Variants in RBFOX1 observed in about 807,000 individuals in gnomAD.
RBFOX1 encodes RNA binding protein fox-1 homolog 1.
A neutral mutation model predicts 57.7 loss-of-function variants in RBFOX1; 8 were observed. The observed-to-expected ratio is 0.14, with a 90% CI of 0.08 to 0.25. RBFOX1 has a LOEUF of 0.25. RBFOX1 is among the 10% of genes least tolerant of loss of function. The pLI is 1.00. For missense variants in RBFOX1, 611 were observed against 548.5 expected, an observed-to-expected ratio of 1.11 and a Z score of -1.14; for synonymous variants, 326 against 222.4, an observed-to-expected ratio of 1.47 and a Z score of -4.15.
intron 4 of RBFOX1, among the ~76,000 whole-genome samples, chr16:7,153,145 C>G (rs926855928): frequency 3.3e-5 from 5 of 152,014 alleles, no homozygotes; most frequent in African/African-American, 1.2e-4. Context: ...GCTGAATATC[C>G]TCCTTTCCTC....
At chr16:6,505,058 G>A (rs1164844803) in intron 2 of RBFOX1, among the ~76,000 whole-genome samples, 1 of 152,102 alleles carries the variant, frequency 6.6e-6, no homozygotes, top group Non-Finnish European at 1.5e-5. Context: ...GGGCAACAGA[G>A]TGACACTCCG....
intron 4 of RBFOX1, among the ~76,000 whole-genome samples, chr16:7,271,344 A>G (rs1263988575): frequency 6.6e-6 from 1 of 151,360 alleles, no homozygotes; most frequent in Non-Finnish European, 1.5e-5. Context: ...GATCTTTGTT[A>G]TTTCTTGGGG....
chr16:6,148,564 A>G (rs77503996), intron 1 of RBFOX1, among the ~76,000 whole-genome samples: 3,052 of 152,236 alleles, frequency 0.02, 51 homozygotes, highest in South Asian at 0.033. Context: ...AGGACCAATA[A>G]GAGTCATGTT....
intron 1 of RBFOX1, chr16:6,059,374 A>G (rs1246225490): frequency 6.6e-6 from 1 of 152,204 alleles, no homozygotes; most frequent in Admixed American, 6.5e-5. Flanking sequence ...TGATTTATAT[A>G]GAGATGACCT....
intron 5 of RBFOX1, among the ~76,000 whole-genome samples, chr16:7,551,505 C>T (rs1420031458): frequency 6.6e-6 from 1 of 152,158 alleles, no homozygotes; most frequent in Non-Finnish European, 1.5e-5. Flanking sequence ...TCCAGTCAGC[C>T]AATAGCTCTG....
intron 1 of RBFOX1, among the ~76,000 whole-genome samples, chr16:5,391,603 C>A (rs988227510): frequency 6.6e-6 from 1 of 152,066 alleles, no homozygotes; most frequent in Non-Finnish European, 1.5e-5. Flanking sequence ...CAAGCTATCT[C>A]CAGAGTTCGT....
chr16:6,090,931 A>G (rs1430493597), intron 1 of RBFOX1, among the ~76,000 whole-genome samples: 2 of 152,242 alleles, frequency 1.3e-5, no homozygotes, highest in Admixed American at 6.5e-5. Flanking sequence ...GTATTGATTC[A>G]TATGGTTTGT....
rs1433814435 is a variant in RBFOX1 at position 7,518,332 on chromosome 16, G to A, written c.213G>A (p.Thr71=). ...HTLNLYPPAQ[T]HSEQSPADTS... Reference sequence around the variant, plus strand: ...TAAACCTGTACCCTCCCGCCCAGACGCACTCCGAGCAGAGCCCGGCGGACA... The same window carrying A: ...TAAACCTGTACCCTCCCGCCCAGACACACTCCGAGCAGAGCCCGGCGGACA... Residue 71 remains threonine (T), a synonymous_variant, in exon 5 of 16, where the codon ACG becomes ACA. Transcript: ENST00000550418. 3 of 1,613,628 alleles carry A rather than the reference G, an allele frequency of 1.9e-6. No individual in the cohort carries two copies. Among genetic ancestry groups the A allele is most frequent in the Non-Finnish European group, 2.5e-6 (3 of 1,179,856 alleles).
chr16:6,686,412 A>G (rs1177652013), intron 3 of RBFOX1, among the ~76,000 whole-genome samples: 1 of 152,190 alleles, frequency 6.6e-6, no homozygotes, highest in Non-Finnish European at 1.5e-5. Flanking sequence ...AGTACACCTA[A>G]GAACTGCTAT....
chr16:6,313,729 T>C (rs1409032921), intron 1 of RBFOX1, among the ~76,000 whole-genome samples: 1 of 152,006 alleles, frequency 6.6e-6, no homozygotes, highest in East Asian at 1.9e-4. Flanking sequence ...ACAATGAAAA[T>C]TGTGCCCAAT....
In RBFOX1 at chr16:6,899,467, C is replaced by T. The variant is rs111770386; in HGVS notation, c.-15-152590C>T. On this transcript the variant is annotated intron_variant, in intron 3 of 15. Coordinates refer to ENST00000550418, the MANE Select transcript of RBFOX1 (RefSeq NM_018723.4). Reference sequence around the variant, plus strand: ...TGGTTGTTTACGGCCATTGGTTGGTCTGTCAAGAGCACCGAGTCATCTGCT... The same window carrying T: ...TGGTTGTTTACGGCCATTGGTTGGTTTGTCAAGAGCACCGAGTCATCTGCT... 6.6e-5 allele frequency among the ~76,000 whole-genome samples: 10 copies of T among 152,224 alleles called. 1 individual carries two copies. The highest frequency in any genetic ancestry group is 5.8e-4 in the East Asian group (3 of 5,184).
chr16:7,112,675 TGTGG>T (rs933627615), intron 4 of RBFOX1, among the ~76,000 whole-genome samples: 4 of 149,006 alleles, frequency 2.7e-5, no homozygotes, highest in Admixed American at 6.7e-5. Context: ...TGTGTGTGTG[TGTGG>T]GTGTGGGTGT....
chr16:6,989,414 A>G (rs1004644524), intron 3 of RBFOX1, among the ~76,000 whole-genome samples: 8 of 152,192 alleles, frequency 5.3e-5, no homozygotes, highest in Non-Finnish European at 7.3e-5. Context: ...ATTTGTTATT[A>G]TTTAACGGTG....
At chr16:7,387,763 C>T (rs566659807) in intron 4 of RBFOX1, among the ~76,000 whole-genome samples, 63 of 152,198 alleles carry the variant, frequency 4.1e-4, no homozygotes, top group Non-Finnish European at 8.1e-4. Context: ...ATCCCATGAA[C>T]AGCAAAGCCC....
intron 1 of RBFOX1, among the ~76,000 whole-genome samples, chr16:5,427,699 C>A (rs912434031): frequency 6.6e-6 from 1 of 152,168 alleles, no homozygotes; most frequent in African/African-American, 2.4e-5. Context: ...GCTCAAAGGC[C>A]GTCTGCTGTA....
At chr16:7,135,637 C>T (rs745305926) in intron 4 of RBFOX1, among the ~76,000 whole-genome samples, 15 of 152,230 alleles carry the variant, frequency 9.9e-5, no homozygotes, top group African/African-American at 2.2e-4. Flanking sequence ...TGCCGCTGTT[C>T]GCGGCATCCC....
At chr16:7,508,349 G>T (rs1387291963) in intron 4 of RBFOX1, among the ~76,000 whole-genome samples, 1 of 152,088 alleles carries the variant, frequency 6.6e-6, no homozygotes. Flanking sequence ...TTTCACCAGG[G>T]AATTGTCCGT....
intron 4 of RBFOX1, among the ~76,000 whole-genome samples, chr16:7,310,273 G>A (rs570713575): frequency 6.6e-6 from 1 of 152,318 alleles, no homozygotes; most frequent in South Asian, 2.1e-4. Flanking sequence ...ATACGATGAG[G>A]AAAGAGCTTG....
rs1444799631 is a variant in RBFOX1, at chr16:6,256,227, A to G, written c.-126-60768A>G. Among the ~76,000 whole-genome samples, 52 of 93,910 alleles carry G rather than the reference A, an allele frequency of 5.5e-4. 6 individuals are homozygous for G. The highest frequency in any genetic ancestry group is 1.3e-3 in the Admixed American group (10 of 7,414). 61.6% of individuals were successfully genotyped at this position (93,910 alleles called of 152,430 possible). On this transcript the variant is annotated intron_variant, in intron 1 of 15. Coordinates refer to ENST00000550418, the MANE Select transcript of RBFOX1 (RefSeq NM_018723.4). ...TGTATATGTGTATATATATGTATATATATATGTGTATATATATATGTATAT... is the reference window on the plus strand; with the variant it reads ...TGTATATGTGTATATATATGTATATGTATATGTGTATATATATATGTATAT...
Sources: gnomAD v4.1 joint callset for allele counts (sites outside exome capture counted in the v4.1 genomes callset) on GRCh38, gnomAD v4.1.1 for gene constraint, MANE v1.5 for transcripts, NCBI Gene and HGNC (gene_info 2026-07-23, HGNC 2026-07-21) for gene names.